CSGALNACT1: variants seen among roughly 807,000 people sequenced by gnomAD.
The protein encoded by CSGALNACT1 is chondroitin sulfate N-acetylgalactosaminyltransferase 1.
In CSGALNACT1, 52 loss-of-function variants were observed where a neutral mutation model predicts 51.0. The ratio of observed to expected loss-of-function variants is 1.02; its 90% CI spans 0.82 to 1.29. The LOEUF is 1.29. Ranked by LOEUF, CSGALNACT1 falls within the 50% of genes most tolerant of loss-of-function variation. CSGALNACT1 has a pLI of 0.00. For missense variants in CSGALNACT1, 935 were observed against 679.2 expected (o/e 1.38, Z -4.19); for synonymous variants, 341 against 254.4 (o/e 1.34, Z -3.24).
chr8:19,744,076 C>A (rs1024298442), intron 1 of CSGALNACT1, among the ~76,000 whole-genome samples: 2 of 151,982 alleles, frequency 1.3e-5, no homozygotes, highest in African/African-American at 4.8e-5. Flanking sequence ...AGACTTCACA[C>A]GAGAAAAAAA....
At chr8:19,653,423 C>T (rs1372587079) in intron 1 of CSGALNACT1, among the ~76,000 whole-genome samples, 2 of 152,132 alleles carry the variant, frequency 1.3e-5, no homozygotes, top group Non-Finnish European at 2.9e-5. Context: ...TGTTGTGTGC[C>T]TCAGGGGCCT....
intron 1 of CSGALNACT1, among the ~76,000 whole-genome samples, chr8:19,754,555 G>T (rs2065238408): frequency 6.6e-6 from 1 of 152,066 alleles, no homozygotes; most frequent in African/African-American, 2.4e-5. Context: ...TGGAAATTAG[G>T]ATATATAAAA....
intron 5 of CSGALNACT1, among the ~76,000 whole-genome samples, chr8:19,454,153 A>G (rs1250146517): frequency 6.6e-6 from 1 of 152,252 alleles, no homozygotes; most frequent in East Asian, 1.9e-4. Flanking sequence ...AGCCCAGCTA[A>G]GCTGACTGTC....
chr8:19,626,193 A>T (rs1479250403), intron 1 of CSGALNACT1, among the ~76,000 whole-genome samples: 3 of 152,256 alleles, frequency 2.0e-5, no homozygotes, highest in Non-Finnish European at 2.9e-5. Context: ...ATAGTAATCA[A>T]CACAGCATGG....
intron 1 of CSGALNACT1, among the ~76,000 whole-genome samples, chr8:19,675,920 C>A (rs997106906): frequency 6.6e-6 from 1 of 151,796 alleles, no homozygotes; most frequent in Non-Finnish European, 1.5e-5. Context: ...ACACCAGGGC[C>A]CAAATCTCAA....
intron 1 of CSGALNACT1, among the ~76,000 whole-genome samples, chr8:19,658,113 T>G (rs2058449884): frequency 7.0e-6 from 1 of 143,810 alleles, no homozygotes; most frequent in Admixed American, 6.9e-5. Context: ...CCCCCCAATG[T>G]GATAGATTTG....
chr8:19,692,191 G>C (rs1445567428), intron 1 of CSGALNACT1, among the ~76,000 whole-genome samples: 1 of 152,082 alleles, frequency 6.6e-6, no homozygotes, highest in African/African-American at 2.4e-5. Flanking sequence ...TCGACACACA[G>C]GAATTATAGG....
At chr8:19,626,749 A>G (rs1253455231) in intron 1 of CSGALNACT1, among the ~76,000 whole-genome samples, 1 of 152,242 alleles carries the variant, frequency 6.6e-6, no homozygotes, top group Non-Finnish European at 1.5e-5. Context: ...TAAGTTTTTT[A>G]GTGTGCAAAA....
intron 8 of CSGALNACT1, among the ~76,000 whole-genome samples, chr8:19,409,756 C>T (rs1307875946): frequency 1.3e-5 from 2 of 152,100 alleles, no homozygotes; most frequent in African/African-American, 2.4e-5. Context: ...TTCTGTTCAT[C>T]GTTAATTAGA....
At chr8:19,704,928 T>C (rs763557369) in intron 1 of CSGALNACT1, among the ~76,000 whole-genome samples, 14 of 152,206 alleles carry the variant, frequency 9.2e-5, no homozygotes, top group Non-Finnish European at 1.9e-4. Context: ...AGTTACTGTG[T>C]GAAAACAGAG....
intron 1 of CSGALNACT1, among the ~76,000 whole-genome samples, chr8:19,751,845 C>T (rs1286610304): frequency 6.6e-6 from 1 of 152,082 alleles, no homozygotes; most frequent in Non-Finnish European, 1.5e-5. Context: ...TTGTAAGTTT[C>T]CTGAGGCCTC....
At chr8:19,428,474 G>A (rs923047818) in intron 6 of CSGALNACT1, among the ~76,000 whole-genome samples, 1 of 152,072 alleles carries the variant, frequency 6.6e-6, no homozygotes. Context: ...GAACTGTGTG[G>A]GGGAAAATGC....
intron 5 of CSGALNACT1, chr8:19,457,672 T>A: frequency 7.7e-7 from 1 of 1,297,748 alleles, no homozygotes; most frequent in African/African-American, 1.5e-5. Context: ...GACAGTAGGA[T>A]TTTCTATGTT....
intron 3 of CSGALNACT1, among the ~76,000 whole-genome samples, chr8:19,514,185 C>A (rs2079029525): frequency 1.3e-5 from 2 of 152,014 alleles, no homozygotes; most frequent in Non-Finnish European, 2.9e-5. Flanking sequence ...AGCGAGAGGA[C>A]AGGGGTCCCA....
chr8:19,468,513 T>C (rs2067264173), intron 4 of CSGALNACT1, among the ~76,000 whole-genome samples: 1 of 151,976 alleles, frequency 6.6e-6, no homozygotes, highest in Admixed American at 6.6e-5. Context: ...ATATTCACCT[T>C]AGAGCAGTGT....
At position 19,584,957 on chromosome 8, in the gene CSGALNACT1, A is replaced by G. The variant is rs376463826; in HGVS notation, c.-297+6203T>C. ...ACCTCAAAGTGGACTTTAGAACCCA[A>G]ATAGACTTAAGTCTGAATTCTAGTC... On this transcript the variant is annotated intron_variant, in intron 3 of 9. Coordinates refer to ENST00000454498, the Ensembl canonical transcript of CSGALNACT1. Among the ~76,000 whole-genome samples the G allele has an allele frequency of 4.4e-4, 67 of 152,286 alleles. 1 individual carries two copies. In the South Asian group the frequency reaches 0.013, roughly 30 times the overall value.
intron 3 of CSGALNACT1, among the ~76,000 whole-genome samples, chr8:19,565,205 C>A (rs1329402402): frequency 6.6e-6 from 1 of 152,140 alleles, no homozygotes; most frequent in Non-Finnish European, 1.5e-5. Flanking sequence ...ACACTTTCCA[C>A]CTTTTTCCAA....
chr8:19,408,691 T>C, exon 9 of CSGALNACT1: 2 of 1,613,928 alleles, frequency 1.2e-6, no homozygotes, highest in Non-Finnish European at 1.7e-6. Context: ...TCCTTCTTTA[T>C]GACCTGCAAG....
At chr8:19,444,982 G>A (rs2061886374) in intron 5 of CSGALNACT1, among the ~76,000 whole-genome samples, 1 of 152,170 alleles carries the variant, frequency 6.6e-6, no homozygotes, top group Non-Finnish European at 1.5e-5. Flanking sequence ...GCTCACTCTG[G>A]TCACAGGTTT....
Sources: gnomAD v4.1 joint callset for allele counts (sites outside exome capture counted in the v4.1 genomes callset) on GRCh38, gnomAD v4.1.1 for gene constraint, MANE v1.5 for transcripts, NCBI Gene and HGNC (gene_info 2026-07-23, HGNC 2026-07-21) for gene names.